The following COL24A1 variants were observed in gnomAD, a reference collection of about 807,000 sequenced individuals.
The protein encoded by COL24A1 is collagen type XXIV alpha 1 chain.
In COL24A1, 224 loss-of-function variants were observed where a neutral mutation model predicts 253.9. The observed-to-expected ratio is 0.88, with a 90% CI of 0.79 to 0.99. COL24A1 has a LOEUF of 0.99. COL24A1 is among the 50% of genes least tolerant of loss of function. The probability of loss-of-function intolerance (pLI) is 0.00; values close to 1 mark genes in which losing one functional copy is unlikely to be tolerated. For missense variants in COL24A1, 2,131 were observed against 2,068.5 expected (o/e 1.03, Z -0.59); for synonymous variants, 685 against 673.7 (o/e 1.02, Z -0.26).
At chr1:85,991,796 C>A (rs1320394739) in intron 19 of COL24A1, among the ~76,000 whole-genome samples, 6 of 152,102 alleles carry the variant, frequency 3.9e-5, no homozygotes, top group Middle Eastern at 3.4e-3. Context: ...TATAGTCATA[C>A]AAGCTGAATA....
intron 32 of COL24A1, among the ~76,000 whole-genome samples, chr1:85,886,068 T>A (rs114406677): frequency 0.057 from 8,280 of 146,148 alleles, 525 homozygotes; most frequent in Admixed American, 0.2. Flanking sequence ...ACACAATAAC[T>A]TTTTTTTTTT....
intron 47 of COL24A1, among the ~76,000 whole-genome samples, chr1:85,793,358 G>A (rs1172324913): frequency 6.6e-6 from 1 of 151,880 alleles, no homozygotes; most frequent in African/African-American, 2.4e-5. Flanking sequence ...CTGCGTTAGT[G>A]GGGCTCAATA....
chr1:85,933,886 T>G (rs577079626), intron 24 of COL24A1, among the ~76,000 whole-genome samples: 2 of 152,326 alleles, frequency 1.3e-5, no homozygotes, highest in African/African-American at 4.8e-5. Flanking sequence ...ACTATTTTAG[T>G]TGTCTACTGC....
At chr1:86,058,019 T>TA (rs749029464) in intron 9 of COL24A1, 44 bp from the exon 10 acceptor site, 1 of 1,515,634 alleles carries the variant, frequency 6.6e-7, no homozygotes, top group Non-Finnish European at 9.1e-7. Context: ...CAGTACTTTT[T>TA]AAAGAGTTAA....
intron 2 of COL24A1, among the ~76,000 whole-genome samples, chr1:86,135,226 T>G (rs1004862916): frequency 6.6e-6 from 1 of 152,088 alleles, no homozygotes; most frequent in African/African-American, 2.4e-5. Context: ...ATCCCTTTAT[T>G]TTGAGCCTAT....
chr1:85,858,724 C>A lies in COL24A1; in HGVS notation c.3301-9318G>T, dbSNP rs79986267. On this transcript the variant is annotated intron_variant, in intron 37 of 59. Coordinates refer to ENST00000370571, the MANE Select transcript of COL24A1 (RefSeq NM_152890.7). ...CCTCCGTCCCTGCTTCCCTTCTTTC[C>A]TTCTTTCCCTTTCCTTTCCTTCTTT... 5.4e-4 allele frequency among the ~76,000 whole-genome samples: 80 copies of A among 147,446 alleles called. No homozygotes were observed. The East Asian group carries it at 0.015, about 27-fold the overall frequency.
intron 57 of COL24A1, among the ~76,000 whole-genome samples, chr1:85,743,655 T>G (rs755094524): frequency 1.3e-5 from 2 of 152,218 alleles, no homozygotes; most frequent in African/African-American, 4.8e-5. Context: ...TTTGTATGTC[T>G]TACAAGATCT....
At chr1:86,066,339 C>T (rs1284229831) in intron 7 of COL24A1, among the ~76,000 whole-genome samples, 2 of 149,990 alleles carry the variant, frequency 1.3e-5, no homozygotes, top group African/African-American at 2.5e-5. Context: ...CCCGGGTTCG[C>T]GCCATTCTCC....
At chr1:85,997,685 G>A (rs764230733) in intron 19 of COL24A1, among the ~76,000 whole-genome samples, 16 of 151,840 alleles carry the variant, frequency 1.1e-4, no homozygotes, top group Non-Finnish European at 2.1e-4. Flanking sequence ...CAGAGGCTGA[G>A]GCAGGAGAAT....
chr1:85,933,921 T>G (rs1331749876), intron 24 of COL24A1, among the ~76,000 whole-genome samples: 5 of 152,134 alleles, frequency 3.3e-5, no homozygotes, highest in Non-Finnish European at 4.4e-5. Flanking sequence ...CCCCCAAAAG[T>G]TAGTGGTTAA....
chr1:85,932,823 A>C (rs971558604), intron 24 of COL24A1, among the ~76,000 whole-genome samples: 9 of 67,342 alleles, frequency 1.3e-4, no homozygotes, highest in Admixed American at 3.7e-4. Flanking sequence ...CATTCTCAGT[A>C]AACTATCGCA....
intron 1 of COL24A1, among the ~76,000 whole-genome samples, chr1:86,150,956 T>C (rs187489862): frequency 6.6e-6 from 1 of 152,282 alleles, no homozygotes; most frequent in East Asian, 1.9e-4. Flanking sequence ...TAAAATCCTA[T>C]AATTTGTGTG....
intron 55 of COL24A1, among the ~76,000 whole-genome samples, chr1:85,748,421 C>G (rs1665517259): frequency 6.6e-6 from 1 of 152,180 alleles, no homozygotes; most frequent in African/African-American, 2.4e-5. Flanking sequence ...GATAAGAAAT[C>G]TAGGAGACAG....
rs1688271545 is a variant in COL24A1, at chr1:85,936,629, G to C, written c.2562+24620C>G. On this transcript the variant is annotated intron_variant, in intron 24 of 59. Coordinates refer to ENST00000370571, the MANE Select transcript of COL24A1 (RefSeq NM_152890.7). The stretch of plus-strand genomic sequence containing the variant: ...ATTAACACTCTGGCAAGGACCCCAG[G>C]AGGTTGCACAAGCTCCTACAGTGGG... 2.7e-5 allele frequency among the ~76,000 whole-genome samples: 4 copies of C among 147,420 alleles called. 1 individual carries two copies. In the East Asian group the frequency reaches 8.6e-4, roughly 32 times the overall value.
intron 23 of COL24A1, 105 bp downstream of exon 23, chr1:85,964,903 TG>T: frequency 1.1e-6 from 1 of 921,048 alleles, no homozygotes; most frequent in Non-Finnish European, 1.7e-6. Context: ...AACATCTCAC[TG>T]GTTCTTTTTA....
chr1:85,965,257 G>A (rs998818216), intron 22 of COL24A1, among the ~76,000 whole-genome samples, 195 bp from the exon 23 acceptor site: 6 of 151,840 alleles, frequency 4.0e-5, no homozygotes, highest in African/African-American at 1.2e-4. Context: ...TGCCATGAAC[G>A]GTTCTAGATG....
At chr1:86,010,630 C>T (rs1438816339) in intron 19 of COL24A1, among the ~76,000 whole-genome samples, 1 of 152,094 alleles carries the variant, frequency 6.6e-6, no homozygotes, top group African/African-American at 2.4e-5. Context: ...TATAGAAATA[C>T]ATAAGAAGCA....
At chr1:85,865,501 A>T (rs1478662060) in intron 37 of COL24A1, among the ~76,000 whole-genome samples, 1 of 152,152 alleles carries the variant, frequency 6.6e-6, no homozygotes, top group Non-Finnish European at 1.5e-5. Context: ...AAGCAGATGA[A>T]ATCTGTGTTT....
At chr1:85,871,544 A>G (rs1680491559) in intron 35 of COL24A1, among the ~76,000 whole-genome samples, 1 of 152,228 alleles carries the variant, frequency 6.6e-6, no homozygotes, top group African/African-American at 2.4e-5. Context: ...GGTTCAACAT[A>G]TGCGAATCAA....
Sources: gnomAD v4.1 joint callset for allele counts (sites outside exome capture counted in the v4.1 genomes callset) on GRCh38, gnomAD v4.1.1 for gene constraint, MANE v1.5 for transcripts, NCBI Gene and HGNC (gene_info 2026-07-23, HGNC 2026-07-21) for gene names.